The following LYST variants were observed in gnomAD, a reference collection of about 807,000 sequenced individuals.
LYST encodes lysosomal trafficking regulator, also known as lysosomal-trafficking regulator.
LYST carries 192 observed loss-of-function variants against 413.6 expected under a neutral mutation model. The observed-to-expected ratio is 0.46, with a 90% CI of 0.41 to 0.52. The LOEUF (loss-of-function observed/expected upper bound fraction) is 0.52. LYST is among the 20% of genes least tolerant of loss of function. The pLI is 0.00. For synonymous variants in LYST, 1,525 were observed against 1,567.3 expected, an observed-to-expected ratio of 0.97 and a Z score of 0.64; for missense variants, 3,815 against 4,499.9, an observed-to-expected ratio of 0.85 and a Z score of 4.35.
intron 10 of LYST, among the ~76,000 whole-genome samples, chr1:235,798,579 A>T (rs1256394612): frequency 6.1e-5 from 2 of 32,826 alleles, no homozygotes; most frequent in Admixed American, 2.3e-4. Flanking sequence ...ACCCTGTCAT[A>T]AAAAAAAAAA....
At chr1:235,827,058 C>A (rs554062280) in intron 3 of LYST, among the ~76,000 whole-genome samples, 2 of 152,106 alleles carry the variant, frequency 1.3e-5, no homozygotes, top group South Asian at 2.1e-4. Context: ...TTATTTACTT[C>A]TTTATATTAA....
At chr1:235,741,304 AAGAAAATTATATTTATAAATT>A (rs1665377998) in intron 31 of LYST, 97 bp downstream of exon 31, 7 of 943,058 alleles carry the variant, frequency 7.4e-6, no homozygotes, top group Middle Eastern at 3.2e-4. Flanking sequence ...TTTGCTTGGT[AAGAAAATTATATTTATAAATT>A]AGGCATGAAC....
At chr1:235,687,636 G>A (rs1037042782) in intron 47 of LYST, among the ~76,000 whole-genome samples, 1 of 152,114 alleles carries the variant, frequency 6.6e-6, no homozygotes. Flanking sequence ...TGGCCTGACA[G>A]GTCCTCTTTT....
At chr1:235,868,439 C>A (rs1208558845), upstream of LYST, among the ~76,000 whole-genome samples, 2 of 152,158 alleles carry the variant, frequency 1.3e-5, no homozygotes, top group Admixed American at 1.3e-4. Flanking sequence ...ATTTATACAT[C>A]AACTTTCACC....
rs180705761 is a variant in LYST, at chr1:235,775,744, G to T, written c.5461-658C>A. Among the ~76,000 whole-genome samples the T allele has an allele frequency of 9.9e-5, 15 of 152,166 alleles. No individual in the cohort carries two copies. The East Asian group carries it at 2.9e-3, about 29-fold the overall frequency. On this transcript the variant is annotated intron_variant, in intron 17 of 52. Coordinates refer to ENST00000389793, the MANE Select transcript of LYST (RefSeq NM_000081.4). ...AGGAATAAAGGGGTGGCTAAGGCAG[G>T]GCACAGCCAGGGGAAGGGTAAAGGC...
At chr1:235,691,367 T>C (rs1660638276) in intron 47 of LYST, among the ~76,000 whole-genome samples, 1 of 152,214 alleles carries the variant, frequency 6.6e-6, no homozygotes, top group Non-Finnish European at 1.5e-5. Context: ...CTGCAGTTAG[T>C]ATATAACGAA....
chr1:235,816,990 A>G (rs1572358311), intron 3 of LYST, among the ~76,000 whole-genome samples: 2 of 152,224 alleles, frequency 1.3e-5, no homozygotes, highest in African/African-American at 4.8e-5. Flanking sequence ...GGTCTAATAT[A>G]CAGAATCTAT....
chr1:235,719,646 A>G (rs1298219112), intron 40 of LYST, among the ~76,000 whole-genome samples: 2 of 151,614 alleles, frequency 1.3e-5, no homozygotes, highest in East Asian at 3.9e-4. Flanking sequence ...AAAAAAGGAA[A>G]ATATATATAA....
intron 19 of LYST, among the ~76,000 whole-genome samples, chr1:235,771,947 G>A (rs1428568865): frequency 1.5e-5 from 2 of 134,242 alleles, no homozygotes; most frequent in Non-Finnish European, 3.1e-5. Flanking sequence ...TTTTGGCCAG[G>A]CATGGGGGGC....
chr1:235,679,748 T>A (rs1659663761), intron 48 of LYST, among the ~76,000 whole-genome samples: 1 of 152,186 alleles, frequency 6.6e-6, no homozygotes, highest in African/African-American at 2.4e-5. Flanking sequence ...CAACTCATTT[T>A]CATTCTGAGA....
In LYST at chr1:235,711,109, TTGA is replaced by T. The variant is rs1662372410; in HGVS notation, c.9925+945_9925+947del. ...TAAAAAATAATTTTATTATCTGTGATTGATAATAAATTTATTATTGTTTCAAGC... is the reference window on the plus strand; with the variant it reads ...TAAAAAATAATTTTATTATCTGTGATTAATAAATTTATTATTGTTTCAAGC... On this transcript the variant is annotated intron_variant, in intron 43 of 52. Transcript: ENST00000389793. 2.0e-5 allele frequency among the ~76,000 whole-genome samples: 3 copies of T among 152,204 alleles called. 1 individual carries two copies. The South Asian group carries it at 6.2e-4, about 32-fold the overall frequency.
intron 3 of LYST, chr1:235,827,783 A>G: frequency 1.1e-6 from 1 of 894,916 alleles, no homozygotes; most frequent in East Asian, 1.2e-4. Context: ...TGACCTAAAT[A>G]ATTTTAGTCA....
chr1:235,876,453 G>A (rs565103491), intron 1 of LYST, among the ~76,000 whole-genome samples: 107 of 152,306 alleles, frequency 7.0e-4, no homozygotes, highest in African/African-American at 2.5e-3. Context: ...AGTAACCAAG[G>A]TAGTAGTTGC....
chr1:235,666,629 CACACACAT>C (rs1300644185), intron 50 of LYST, among the ~76,000 whole-genome samples: 9 of 151,476 alleles, frequency 5.9e-5, no homozygotes, highest in African/African-American at 2.2e-4. Flanking sequence ...CACACACACA[CACACACAT>C]GCCCAATGTT....
In LYST at chr1:235,833,569, T is replaced by C; in HGVS notation, c.-8+9A>G. On this transcript the variant is annotated intron_variant, in intron 2 of 52. Coordinates refer to ENST00000389793, the MANE Select transcript of LYST (RefSeq NM_000081.4). ...TTGATGGTTAATATTTATTACATTA[T>C]ATACTTACCAGTCTTTCACCACTGC... 8.7e-6 allele frequency: 6 copies of C among 687,290 alleles called. No homozygotes were observed. Among genetic ancestry groups the C allele is most frequent in the Non-Finnish European group, 1.1e-5 (6 of 557,300 alleles). 42.6% of individuals were successfully genotyped at this position (687,290 alleles called of 1,614,324 possible).
chr1:235,724,507 C>T (rs1663675315), intron 38 of LYST, among the ~76,000 whole-genome samples: 1 of 152,194 alleles, frequency 6.6e-6, no homozygotes. Context: ...GTGTGGGACA[C>T]TAATTACAAT....
chr1:235,698,289 C>G (rs1661258312), intron 45 of LYST, among the ~76,000 whole-genome samples: 2 of 151,982 alleles, frequency 1.3e-5, no homozygotes, highest in African/African-American at 4.8e-5. Flanking sequence ...TTGCTTATGT[C>G]ATTTTCCAAA....
rs750772924 is a variant in LYST, at chr1:235,702,853, G to A, written c.10268C>T (p.Pro3423Leu). ...QLFHMAHVSR[P>L]GAKLNIEGEL... ...TCCTTCAATATTGAGCTTGGCTCCAGGTCTGCTCACATGGGCCATGTGGAA... is the reference window on the plus strand; with the variant it reads ...TCCTTCAATATTGAGCTTGGCTCCAAGTCTGCTCACATGGGCCATGTGGAA... Residue 3423 changes from proline to leucine, a missense_variant, in exon 45 of 53, where the codon CCT (proline) becomes CTT (leucine). Around this residue, in one of 4 missense-constraint regions of LYST, gnomAD observed 866 missense variants for 1,156.0 expected, o/e 0.75. Coordinates refer to ENST00000389793, the MANE Select transcript of LYST (RefSeq NM_000081.4). 1 of 1,614,188 alleles carries A rather than the reference G, an allele frequency of 6.2e-7. No individual in the cohort carries two copies. The highest frequency in any genetic ancestry group is 2.2e-5 in the East Asian group (1 of 44,892).
intron 37 of LYST, 78 bp downstream of exon 37, chr1:235,729,518 T>C (rs1281410864): frequency 3.0e-6 from 3 of 995,382 alleles, no homozygotes; most frequent in Non-Finnish European, 4.8e-6. Flanking sequence ...TGGCATGCTG[T>C]CAAAAAACAC....
Sources: allele counts gnomAD v4.1 joint callset (sites outside exome capture counted in the v4.1 genomes callset), GRCh38; gene constraint gnomAD v4.1.1; regional missense constraint gnomAD v4.1.1; transcripts MANE v1.5; gene names NCBI Gene and HGNC (gene_info 2026-07-23, HGNC 2026-07-21).